TDRD5: variants seen among roughly 807,000 people sequenced by gnomAD.
TDRD5 encodes tudor domain containing 5, also known as tudor domain-containing protein 5.
TDRD5 carries 41 observed loss-of-function variants against 120.6 expected under a neutral mutation model. That is an observed-to-expected ratio of 0.34 (90% confidence interval 0.26 to 0.44). The LOEUF is 0.44. Ranked by LOEUF, TDRD5 falls within the 20% of genes least tolerant of loss-of-function variation. The pLI is 1.00. For missense variants in TDRD5, 1,006 were observed against 1,221.2 expected (o/e 0.82, Z 2.63); for synonymous variants, 430 against 433.7 (o/e 0.99, Z 0.11).
At chr1:179,599,592 A>G (rs1317780847) in intron 4 of TDRD5, among the ~76,000 whole-genome samples, 2 of 150,786 alleles carry the variant, frequency 1.3e-5, no homozygotes, top group African/African-American at 2.4e-5. Context: ...TGTCCATTTC[A>G]TCTAGGTTGT....
At chr1:179,688,945 C>CA (rs1680929706) in intron 17 of TDRD5, among the ~76,000 whole-genome samples, 1 of 152,194 alleles carries the variant, frequency 6.6e-6, no homozygotes, top group Non-Finnish European at 1.5e-5. Context: ...AGCCATTCAT[C>CA]TAATCTTTTT....
intron 7 of TDRD5, among the ~76,000 whole-genome samples, chr1:179,632,256 A>G (rs942937231): frequency 2.8e-4 from 43 of 152,218 alleles, no homozygotes; most frequent in African/African-American, 1.0e-3. Context: ...TTAGATTCAC[A>G]TGGAGTTGTA....
chr1:179,678,934 ATTG>A (rs1680283011), intron 17 of TDRD5, among the ~76,000 whole-genome samples: 1 of 151,856 alleles, frequency 6.6e-6, no homozygotes, highest in Non-Finnish European at 1.5e-5. Flanking sequence ...ACATCCTTGC[ATTG>A]TTGTTGATCT....
chr1:179,603,263 T>C (rs1675811957), intron 4 of TDRD5, among the ~76,000 whole-genome samples: 1 of 152,212 alleles, frequency 6.6e-6, no homozygotes, highest in African/African-American at 2.4e-5. Context: ...TTATCAGCTC[T>C]AGGATCTTTC....
At chr1:179,635,032 A>T (rs1677689389) in intron 8 of TDRD5, among the ~76,000 whole-genome samples, 1 of 152,074 alleles carries the variant, frequency 6.6e-6, no homozygotes, top group South Asian at 2.1e-4. Flanking sequence ...ATCTCCACAC[A>T]CAGTTCACCC....
intron 5 of TDRD5, among the ~76,000 whole-genome samples, chr1:179,619,808 A>G (rs1318591790): frequency 6.6e-6 from 1 of 151,988 alleles, no homozygotes; most frequent in East Asian, 1.9e-4. Context: ...ATTTGTAGAG[A>G]CAGGGTCTTG....
At chr1:179,624,691 A>G (rs575155825) in intron 6 of TDRD5, among the ~76,000 whole-genome samples, 73 of 152,362 alleles carry the variant, frequency 4.8e-4, no homozygotes, top group Non-Finnish European at 5.7e-4. Context: ...CAAAAGAAAC[A>G]TAAATCATGT....
chr1:179,611,085 C>G (rs568793695), intron 4 of TDRD5, among the ~76,000 whole-genome samples: 2 of 150,400 alleles, frequency 1.3e-5, no homozygotes, highest in Non-Finnish European at 3.0e-5. Context: ...TTTGATGGAG[C>G]CTTGCTCTGT....
At chr1:179,612,935 CAAAAAAA>C (rs35980053) in intron 4 of TDRD5, among the ~76,000 whole-genome samples, 2 of 88,470 alleles carry the variant, frequency 2.3e-5, no homozygotes, top group African/African-American at 4.1e-5. Flanking sequence ...GACTTTGTCT[CAAAAAAA>C]AAAAAAAAAA....
At chr1:179,610,765 T>A (rs1676232215) in intron 4 of TDRD5, among the ~76,000 whole-genome samples, 1 of 152,184 alleles carries the variant, frequency 6.6e-6, no homozygotes. Flanking sequence ...CATTTTAATG[T>A]TTTTTAAGAC....
chr1:179,634,617 G>C lies in TDRD5; in HGVS notation c.1287G>C (p.Lys429Asn). 1 of 1,610,110 alleles carries C rather than the reference G, an allele frequency of 6.2e-7. No individual in the cohort carries two copies. The highest frequency in any genetic ancestry group is 8.5e-7 in the Non-Finnish European group (1 of 1,179,052). Residue 429 changes from lysine to asparagine, a missense_variant, in exon 8 of 18, where the codon AAG becomes AAC. By Grantham distance (94) the Lys-to-Asn change is moderately conservative. Transcript: ENST00000444136. ...GCAAGAAGCCTAATCTGGTGGTAAAGCCTTTACAGCTGGTGAGTGAGGTTT... is the reference window on the plus strand; with the variant it reads ...GCAAGAAGCCTAATCTGGTGGTAAACCCTTTACAGCTGGTGAGTGAGGTTT... The part of the protein sequence containing the change: ...KICKKPNLVV[K>N]PLQLQVETNK...
intron 4 of TDRD5, among the ~76,000 whole-genome samples, chr1:179,602,086 A>G (rs530266987): frequency 6.6e-6 from 1 of 152,308 alleles, no homozygotes; most frequent in South Asian, 2.1e-4. Context: ...GATTACAGGC[A>G]TAAGCCACCG....
intron 17 of TDRD5, among the ~76,000 whole-genome samples, chr1:179,672,036 G>A (rs992843205): frequency 2.6e-5 from 4 of 150,946 alleles, no homozygotes; most frequent in Non-Finnish European, 1.5e-5. Context: ...GGGCATTTGA[G>A]CTGGTTCCAT....
At chr1:179,639,264 G>T (rs1677916926) in intron 9 of TDRD5, among the ~76,000 whole-genome samples, 1 of 152,148 alleles carries the variant, frequency 6.6e-6, no homozygotes, top group African/African-American at 2.4e-5. Context: ...CAGAAAGATT[G>T]TCACAGAGCT....
chr1:179,629,214 TAAC>T (rs1159471634), intron 6 of TDRD5, among the ~76,000 whole-genome samples: 1 of 152,062 alleles, frequency 6.6e-6, no homozygotes, highest in African/African-American at 2.4e-5. Flanking sequence ...ATTTAGCAGA[TAAC>T]AACCCAATAT....
Position 179,621,080 on chromosome 1 carries a change from G to A in TDRD5, c.961G>A (p.Gly321Arg). The A allele has an allele frequency of 6.2e-7, 1 of 1,601,694 alleles. No individual in the cohort carries two copies. The highest frequency in any genetic ancestry group is 8.5e-7 in the Non-Finnish European group (1 of 1,176,514). ...GGGTTTGTTTATTTCTAAACTGCTTGGAGAGTATGAGGTAAGTGTTTTGCT... is the reference window on the plus strand; with the variant it reads ...GGGTTTGTTTATTTCTAAACTGCTTAGAGAGTATGAGGTAAGTGTTTTGCT... Reference protein sequence around the residue: ...PEGLFISKLLGEYEVIFKEQL... With the variant: ...PEGLFISKLLREYEVIFKEQL... The change falls in exon 6 of 18, where the codon GGA (glycine) becomes AGA (arginine). Residue 321 changes from glycine (G) to arginine (R), a missense_variant. Around this residue, in one of 3 missense-constraint regions of TDRD5, gnomAD observed 445 missense variants for 515.5 expected, o/e 0.86. Transcript: ENST00000444136.
intron 6 of TDRD5, among the ~76,000 whole-genome samples, chr1:179,627,159 T>G (rs1237872920): frequency 6.6e-6 from 1 of 152,198 alleles, no homozygotes; most frequent in Non-Finnish European, 1.5e-5. Flanking sequence ...CTAGCAAAAC[T>G]GACTTTCAAT....
At chr1:179,662,791 G>A (rs1679382975) in intron 15 of TDRD5, among the ~76,000 whole-genome samples, 1 of 152,124 alleles carries the variant, frequency 6.6e-6, no homozygotes, top group Admixed American at 6.5e-5. Flanking sequence ...ATAAACCATA[G>A]GCCAATTTTT....
intron 9 of TDRD5, among the ~76,000 whole-genome samples, chr1:179,638,026 G>A (rs187734698): frequency 7.9e-5 from 12 of 152,172 alleles, no homozygotes; most frequent in East Asian, 1.9e-4. Context: ...AGTAAGTGGC[G>A]TGCGCTGGGA....
Sources: gnomAD v4.1 joint callset for allele counts (sites outside exome capture counted in the v4.1 genomes callset) on GRCh38, gnomAD v4.1.1 for gene constraint, gnomAD v4.1.1 regional missense constraint, MANE v1.5 for transcripts, NCBI Gene and HGNC (gene_info 2026-07-23, HGNC 2026-07-21) for gene names.